TENM2: variants seen among roughly 807,000 people sequenced by gnomAD.
TENM2 encodes the protein teneurin-2.
A neutral mutation model predicts 245.2 loss-of-function variants in TENM2; 52 were observed. That is an observed-to-expected ratio of 0.21 (90% confidence interval 0.17 to 0.27). The LOEUF (loss-of-function observed/expected upper bound fraction) is 0.27. Among genes scored for constraint, TENM2 ranks in the 10% least tolerant of loss-of-function variants. TENM2 has a pLI of 1.00. For missense variants in TENM2, 3,046 were observed against 3,666.8 expected, an observed-to-expected ratio of 0.83 and a Z score of 4.37; for synonymous variants, 1,363 against 1,438.9, an observed-to-expected ratio of 0.95 and a Z score of 1.19.
chr5:168,039,792 T>C (rs560212276), intron 5 of TENM2, among the ~76,000 whole-genome samples: 37 of 152,048 alleles, frequency 2.4e-4, no homozygotes, highest in South Asian at 6.2e-4. Context: ...TGCTGAGAGC[T>C]AGGGGGTGTG....
intron 2 of TENM2, among the ~76,000 whole-genome samples, chr5:167,609,488 C>CAAAAAAAAAAAAAAAA (rs5873049): frequency 1.6e-4 from 6 of 36,692 alleles, no homozygotes; most frequent in African/African-American, 4.9e-4. Context: ...CCTGATGATG[C>CAAAAAAAAAAAAAAAA]AAAAAAAAAA....
At chr5:168,099,364 A>G (rs1179357734) in intron 9 of TENM2, among the ~76,000 whole-genome samples, 1 of 152,128 alleles carries the variant, frequency 6.6e-6, no homozygotes, top group Non-Finnish European at 1.5e-5. Context: ...GCCATTGGGT[A>G]TCTGACATTA....
chr5:167,028,763 G>T, the TENM2 span, among the ~76,000 whole-genome samples: 124,667 of 151,910 alleles, frequency 0.82, 51,855 homozygotes, highest in Admixed American at 0.9. Context: ...TGTCCGCTCA[G>T]TAAGGTAACT....
At chr5:167,952,770 G>A (rs1209382397) in exon 4 of TENM2, 22 of 1,578,216 alleles carry the variant, frequency 1.4e-5, no homozygotes, top group Non-Finnish European at 1.6e-5. Context: ...ACCAGAGTCC[G>A]TTCAGCTTCA....
In TENM2 at chr5:167,911,857, A is replaced by C. The variant is rs551496601; in HGVS notation, c.712+35662A>C. Among the ~76,000 whole-genome samples the C allele has an allele frequency of 2.0e-5, 3 of 152,272 alleles. No homozygotes were observed. The South Asian group carries it at 6.2e-4, about 32-fold the overall frequency. On this transcript the variant is annotated intron_variant, in intron 3 of 28. Transcript: ENST00000518659. ...GATTTTAAGTTTCTCTTTTACAATA[A>C]GCTTCCTTTTTTAATTAACAAATAT...
the TENM2 span, among the ~76,000 whole-genome samples, chr5:167,196,102 C>T: frequency 2.0e-5 from 3 of 152,018 alleles, no homozygotes; most frequent in Non-Finnish European, 4.4e-5. Flanking sequence ...CAGCCCACTA[C>T]ACACGTAGGT....
At chr5:167,633,217 C>A (rs1464170974) in intron 2 of TENM2, among the ~76,000 whole-genome samples, 1 of 152,124 alleles carries the variant, frequency 6.6e-6, no homozygotes, top group Non-Finnish European at 1.5e-5. Context: ...CAATGCAGAA[C>A]CTGAGGAGGT....
At chr5:167,580,430 A>C (rs2127680604) in intron 2 of TENM2, among the ~76,000 whole-genome samples, 1 of 152,202 alleles carries the variant, frequency 6.6e-6, no homozygotes, top group Admixed American at 6.5e-5. Context: ...TCCTACCCAA[A>C]CCCCAGTTAG....
intron 1 of TENM2, among the ~76,000 whole-genome samples, chr5:167,341,941 T>G (rs2127816118): frequency 6.6e-6 from 1 of 152,226 alleles, no homozygotes; most frequent in Admixed American, 6.5e-5. Context: ...TTGATCAAAT[T>G]TTTACAATAA....
At chr5:167,095,075 C>T in the TENM2 span, among the ~76,000 whole-genome samples, 1 of 152,062 alleles carries the variant, frequency 6.6e-6, no homozygotes, top group Non-Finnish European at 1.5e-5. Context: ...TTATAGAGCA[C>T]TTATTGTATA....
At chr5:167,558,759 G>A (rs1426105169) in intron 2 of TENM2, among the ~76,000 whole-genome samples, 1 of 151,942 alleles carries the variant, frequency 6.6e-6, no homozygotes, top group African/African-American at 2.4e-5. Flanking sequence ...TACAATAAAT[G>A]TAATGTGCTT....
intron 2 of TENM2, among the ~76,000 whole-genome samples, chr5:167,719,284 C>A (rs559374169): frequency 1.3e-5 from 2 of 152,148 alleles, no homozygotes; most frequent in South Asian, 4.1e-4. Context: ...GAAGACTCCG[C>A]GGGACCAAGT....
chr5:168,136,910 AG>A (rs1286233521), intron 12 of TENM2, among the ~76,000 whole-genome samples: 2 of 152,194 alleles, frequency 1.3e-5, no homozygotes, highest in Admixed American at 1.3e-4. Context: ...TGCAAATGCA[AG>A]AGCCCCTGTG....
the TENM2 span, among the ~76,000 whole-genome samples, chr5:167,051,373 T>A: frequency 2.6e-5 from 4 of 152,080 alleles, no homozygotes; most frequent in Non-Finnish European, 5.9e-5. Flanking sequence ...ACAATTTTTT[T>A]AAGGTGTGAT....
At chr5:168,005,324 C>T (rs1581032562) in intron 5 of TENM2, among the ~76,000 whole-genome samples, 1 of 152,118 alleles carries the variant, frequency 6.6e-6, no homozygotes, top group Non-Finnish European at 1.5e-5. Flanking sequence ...GGACCCCACC[C>T]AGGGAGAATG....
At chr5:168,084,046 C>T (rs1400188081) in intron 7 of TENM2, among the ~76,000 whole-genome samples, 1 of 152,178 alleles carries the variant, frequency 6.6e-6, no homozygotes, top group African/African-American at 2.4e-5. Flanking sequence ...ATATTTATTT[C>T]CTTAGAATGA....
intron 5 of TENM2, among the ~76,000 whole-genome samples, chr5:167,997,938 G>C (rs1784175572): frequency 6.6e-6 from 1 of 152,158 alleles, no homozygotes; most frequent in African/African-American, 2.4e-5. Flanking sequence ...CAATGAAGCA[G>C]GTGACTGACA....
chr5:167,769,354 A>G (rs2150755288), intron 2 of TENM2, among the ~76,000 whole-genome samples: 1 of 152,254 alleles, frequency 6.6e-6, no homozygotes, highest in East Asian at 1.9e-4. Context: ...TTTTTATTGA[A>G]TGTATGTAGT....
intron 2 of TENM2, among the ~76,000 whole-genome samples, chr5:167,496,730 C>G (rs1409400053): frequency 6.6e-6 from 1 of 152,066 alleles, no homozygotes; most frequent in African/African-American, 2.4e-5. Flanking sequence ...GAGTTACATT[C>G]TTGTATTCAA....
Sources: allele counts gnomAD v4.1 joint callset (sites outside exome capture counted in the v4.1 genomes callset), GRCh38; gene constraint gnomAD v4.1.1; transcripts MANE v1.5; gene names NCBI Gene and HGNC (gene_info 2026-07-23, HGNC 2026-07-21).